EXOC4: variants seen among roughly 807,000 people sequenced by gnomAD.
EXOC4 encodes SEC8-like 1.
In EXOC4, 71 loss-of-function variants were observed where a neutral mutation model predicts 107.2. The ratio of observed to expected loss-of-function variants is 0.66; its 90% CI spans 0.55 to 0.81. The LOEUF is 0.81. EXOC4 is among the 30% of genes least tolerant of loss of function. The pLI is 0.00. For synonymous variants in EXOC4, 456 were observed against 441.2 expected (o/e 1.03, Z -0.42); for missense variants, 1,108 against 1,189.6 (o/e 0.93, Z 1.01).
In EXOC4 at chr7:133,401,766, C is replaced by CT. The variant is rs949001194; in HGVS notation, c.1182+26773dup. ...ATACAGTGATTTCTGCATGATTTTC[C>CT]TTTTTTTTTGTCTAAATCTTGACAT... On this transcript the variant is annotated intron_variant, in intron 7 of 17. Transcript: ENST00000253861. Among the ~76,000 whole-genome samples the CT allele has an allele frequency of 1.3e-3, 202 of 150,422 alleles. 1 individual carries two copies. The highest frequency in any genetic ancestry group is 4.4e-3 in the African/African-American group (182 of 41,052).
At chr7:134,045,700 C>A (rs370347271) in intron 17 of EXOC4, among the ~76,000 whole-genome samples, 7 of 152,210 alleles carry the variant, frequency 4.6e-5, no homozygotes, top group African/African-American at 1.7e-4. Context: ...CGTTGTACAG[C>A]CATCATCACC....
intron 1 of EXOC4, among the ~76,000 whole-genome samples, chr7:133,258,113 G>C (rs959481984): frequency 6.6e-5 from 10 of 152,178 alleles, no homozygotes; most frequent in African/African-American, 9.7e-5. Flanking sequence ...GGACATCTTG[G>C]CCCTACTGAT....
chr7:133,632,814 G>A (rs779680893), intron 10 of EXOC4, among the ~76,000 whole-genome samples: 19 of 146,092 alleles, frequency 1.3e-4, no homozygotes, highest in East Asian at 3.9e-4. Context: ...ATAAAATTGT[G>A]TAGATATGTT....
intron 8 of EXOC4, among the ~76,000 whole-genome samples, chr7:133,478,312 G>A (rs9656420): frequency 0.92 from 134,534 of 146,698 alleles, 61,560 homozygotes; most frequent in East Asian, 0.99. Context: ...GTGGTATTGG[G>A]AAAAAAAAAA....
At chr7:133,576,401 C>T (rs1378079376) in intron 9 of EXOC4, 3 of 1,035,220 alleles carry the variant, frequency 2.9e-6, no homozygotes, top group Non-Finnish European at 3.7e-6. Flanking sequence ...TCTGTTGTCT[C>T]CGTCACAGTC....
chr7:133,855,465 T>C (rs981721918), intron 11 of EXOC4, among the ~76,000 whole-genome samples: 1 of 152,078 alleles, frequency 6.6e-6, no homozygotes, highest in Non-Finnish European at 1.5e-5. Flanking sequence ...ATCTCAATTC[T>C]AAAGATATCA....
At chr7:133,641,300 G>T (rs1802848664) in intron 10 of EXOC4, among the ~76,000 whole-genome samples, 1 of 152,134 alleles carries the variant, frequency 6.6e-6, no homozygotes, top group South Asian at 2.1e-4. Context: ...AAAAGTGATG[G>T]GGGCAGTTTT....
Position 133,603,211 on chromosome 7 carries a change from G to A in EXOC4, c.1418-26834G>A, listed in dbSNP as rs1234269133. ...CTCTGTAGGTTATGAAGTGCTTGAGGTAGAGCACTGTATTTTAGACTCTTT... is the reference window on the plus strand; with the variant it reads ...CTCTGTAGGTTATGAAGTGCTTGAGATAGAGCACTGTATTTTAGACTCTTT... On this transcript the variant is annotated intron_variant, in intron 9 of 17. Transcript: ENST00000253861. Among the ~76,000 whole-genome samples, 4 of 152,168 alleles carry A rather than the reference G, an allele frequency of 2.6e-5. No individual in the cohort carries two copies. In the East Asian group the frequency reaches 5.8e-4, roughly 22 times the overall value.
chr7:133,741,224 C>T (rs1454869075), intron 10 of EXOC4, among the ~76,000 whole-genome samples: 2 of 152,182 alleles, frequency 1.3e-5, no homozygotes, highest in Non-Finnish European at 2.9e-5. Context: ...CTTCATCTCT[C>T]TTCCCGTTCT....
intron 10 of EXOC4, among the ~76,000 whole-genome samples, chr7:133,633,076 G>T (rs371836514): frequency 2.0e-5 from 3 of 152,066 alleles, no homozygotes; most frequent in Admixed American, 6.5e-5. Context: ...ATGTCCTGGG[G>T]AAAGAAAAAA....
chr7:133,877,199 G>A (rs1798868418), intron 11 of EXOC4, among the ~76,000 whole-genome samples: 1 of 151,870 alleles, frequency 6.6e-6, no homozygotes, highest in African/African-American at 2.4e-5. Flanking sequence ...TTTAGACATA[G>A]GACCCTATTC....
At chr7:133,644,824 A>T (rs938869764) in intron 10 of EXOC4, among the ~76,000 whole-genome samples, 10 of 152,148 alleles carry the variant, frequency 6.6e-5, no homozygotes, top group Non-Finnish European at 1.0e-4. Flanking sequence ...GGCCCTCAGA[A>T]TCTTTTCATT....
chr7:133,825,196 A>AG (rs1554406057), intron 11 of EXOC4, among the ~76,000 whole-genome samples: 5 of 151,694 alleles, frequency 3.3e-5, no homozygotes, highest in Admixed American at 1.3e-4. Context: ...AAAAAAAAAA[A>AG]AGAAAGAAAG....
At chr7:133,737,791 G>A (rs1795475872) in intron 10 of EXOC4, among the ~76,000 whole-genome samples, 1 of 151,870 alleles carries the variant, frequency 6.6e-6, no homozygotes, top group Admixed American at 6.6e-5. Flanking sequence ...ATGATTTATG[G>A]AATATGCCAT....
chr7:134,090,567 A>C, the EXOC4 span, among the ~76,000 whole-genome samples: 5 of 152,178 alleles, frequency 3.3e-5, no homozygotes, highest in African/African-American at 1.2e-4. Context: ...TAGCATAGAG[A>C]GAGACAGAGA....
At chr7:133,558,644 A>G (rs148188297) in intron 9 of EXOC4, among the ~76,000 whole-genome samples, 47 of 152,222 alleles carry the variant, frequency 3.1e-4, no homozygotes, top group African/African-American at 1.1e-3. Flanking sequence ...TTAAACATAT[A>G]GATTTTATTT....
intron 9 of EXOC4, chr7:133,576,620 C>G (rs528411699): frequency 1.5e-5 from 19 of 1,289,618 alleles, no homozygotes; most frequent in Non-Finnish European, 1.6e-5. Flanking sequence ...AGATAACCAC[C>G]TAGCTATTGC....
At chr7:133,785,676 GT>G (rs1554401092) in intron 10 of EXOC4, among the ~76,000 whole-genome samples, 3 of 37,184 alleles carry the variant, frequency 8.1e-5, no homozygotes, top group African/African-American at 2.4e-4. Flanking sequence ...TTTTGTTTTT[GT>G]TTTTGTTTTT....
chr7:134,050,927 A>G (rs1222698994), intron 17 of EXOC4, among the ~76,000 whole-genome samples: 3 of 152,148 alleles, frequency 2.0e-5, no homozygotes, highest in African/African-American at 7.2e-5. Context: ...TTAAGAGGCA[A>G]CTGTAACAAT....
Sources: allele counts gnomAD v4.1 joint callset (sites outside exome capture counted in the v4.1 genomes callset), GRCh38; gene constraint gnomAD v4.1.1; transcripts MANE v1.5; gene names NCBI Gene and HGNC (gene_info 2026-07-23, HGNC 2026-07-21).